The following SLCO2A1 variants were observed in gnomAD, a reference collection of about 807,000 sequenced individuals.
SLCO2A1 encodes matrin F/G 1.
In SLCO2A1, 60 loss-of-function variants were observed where a neutral mutation model predicts 71.7. The ratio of observed to expected loss-of-function variants is 0.84; its 90% confidence interval spans 0.68 to 1.04. The LOEUF (loss-of-function observed/expected upper bound fraction) is 1.04. Among genes scored for constraint, SLCO2A1 ranks in the 50% least tolerant of loss-of-function variants. The probability of loss-of-function intolerance (pLI) is 0.00; values close to 1 mark genes in which losing one functional copy is unlikely to be tolerated. For synonymous variants in SLCO2A1, 308 were observed against 326.7 expected (o/e 0.94, Z 0.62); for missense variants, 745 against 813.4 (o/e 0.92, Z 1.02).
At chr3:134,009,174 T>C (rs1935281877) in intron 1 of SLCO2A1, among the ~76,000 whole-genome samples, 1 of 152,218 alleles carries the variant, frequency 6.6e-6, no homozygotes, top group Non-Finnish European at 1.5e-5. Context: ...ATGTTTACTG[T>C]AGAAAATGGA....
At chr3:134,020,728 G>T (rs1212632261) in intron 1 of SLCO2A1, among the ~76,000 whole-genome samples, 2 of 151,874 alleles carry the variant, frequency 1.3e-5, no homozygotes. Flanking sequence ...GACAGGACTG[G>T]TCTTGAGAAC....
intron 2 of SLCO2A1, among the ~76,000 whole-genome samples, chr3:133,977,104 G>C (rs1254570428): frequency 6.6e-6 from 1 of 151,980 alleles, no homozygotes; most frequent in Non-Finnish European, 1.5e-5. Flanking sequence ...TAGCCTTCAG[G>C]CATATACTGT....
In SLCO2A1 at chr3:133,948,928, G is replaced by T; in HGVS notation, c.905C>A (p.Ala302Asp). 1 of 1,614,140 alleles carries T rather than the reference G, an allele frequency of 6.2e-7. No homozygotes were observed. The highest frequency in any genetic ancestry group is 8.5e-7 in the Non-Finnish European group (1 of 1,179,996). Residue 302 changes from alanine (A) to aspartate (D), a missense_variant, in exon 7 of 14, where the codon GCC becomes GAC. Transcript: ENST00000310926. ...ATCCACCAGGGAGCCTCTTGACTTG[G>T]CCTCCTCCAACTTCCTTGCTTCATC... The part of the protein sequence containing the change: ...TADEARKLEE[A>D]KSRGSLVDFI...
intron 3 of SLCO2A1, chr3:133,955,421 C>T: frequency 1.8e-6 from 1 of 553,324 alleles, no homozygotes; most frequent in Non-Finnish European, 3.2e-6. Context: ...GGCTCCCCGG[C>T]CCCAGGAGCT....
rs387907297 is a variant in SLCO2A1, at chr3:133,973,750, C to A, written c.310G>T (p.Gly104Ter). 4.3e-6 allele frequency: 7 copies of A among 1,614,042 alleles called. No homozygotes were observed. The highest frequency in any genetic ancestry group is 1.7e-5 in the Admixed American group (1 of 60,022). ...GCACCTGCAGCCAGGAAGAGACCTC[C>A]GATGCCAATCAGACGTGGACGGTGC... The part of the protein sequence containing the change: ...RVHRPRLIGI[G>*]GLFLAAGAFI... The change falls in exon 3 of 14, where the codon GGA becomes TGA. Residue 104 changes from glycine (G) to a stop codon, truncating the protein, a stop_gained. Transcript: ENST00000310926. LOFTEE classifies it high-confidence loss of function.
chr3:133,991,116 AC>A (rs1157387665), intron 1 of SLCO2A1, among the ~76,000 whole-genome samples: 1 of 152,018 alleles, frequency 6.6e-6, no homozygotes, highest in African/African-American at 2.4e-5. Flanking sequence ...TCTCAAAAAA[AC>A]AAAACAAAAA....
Position 133,943,033 on chromosome 3 carries a change from A to C in SLCO2A1, c.1462-265T>G, listed in dbSNP as rs141229740. On this transcript the variant is annotated intron_variant, in intron 10 of 13. Coordinates refer to ENST00000310926, the MANE Select transcript of SLCO2A1 (RefSeq NM_005630.3). ...CTCCAGAAGTCATATCTGCCTCTGG[A>C]TGCCCAGGAACACTGCCAGGTTAGG... Among the ~76,000 whole-genome samples, 981 of 152,316 alleles carry C rather than the reference A, an allele frequency of 6.4e-3. 12 individuals carry two copies. The highest frequency in any genetic ancestry group is 0.022 in the African/African-American group (922 of 41,562).
chr3:133,934,430 G>T lies in SLCO2A1; in HGVS notation c.*283C>A. The T allele has an allele frequency of 3.7e-6, 1 of 273,592 alleles. No individual in the cohort carries two copies. The highest frequency in any genetic ancestry group is 6.9e-6 in the Non-Finnish European group (1 of 144,214). 16.9% of individuals were successfully genotyped at this position (273,592 alleles called of 1,614,324 possible). A position where few individuals can be genotyped will look rare whatever the true frequency, so the allele number is the denominator to read the frequency against. ...GCCTCAGTGGGCATCCTCAATGGAGGACTCAACACTGAAGTGAGCCTGGGC... is the reference window on the plus strand; with the variant it reads ...GCCTCAGTGGGCATCCTCAATGGAGTACTCAACACTGAAGTGAGCCTGGGC... On this transcript the variant is annotated 3_prime_UTR_variant, in exon 14 of 14. Transcript: ENST00000310926.
At chr3:133,996,048 G>A (rs2108066998) in intron 1 of SLCO2A1, among the ~76,000 whole-genome samples, 1 of 152,296 alleles carries the variant, frequency 6.6e-6, no homozygotes. Flanking sequence ...GCCTTTTCAA[G>A]GTTTTTCTGT....
chr3:134,017,079 G>C (rs1389999979), intron 1 of SLCO2A1, among the ~76,000 whole-genome samples: 2 of 152,210 alleles, frequency 1.3e-5, no homozygotes, highest in Non-Finnish European at 1.5e-5. Context: ...GTCAGCACAG[G>C]AGAAATCCTC....
At chr3:133,958,665 C>T (rs1009616155) in intron 3 of SLCO2A1, among the ~76,000 whole-genome samples, 15 of 152,236 alleles carry the variant, frequency 9.9e-5, no homozygotes, top group East Asian at 7.7e-4. Flanking sequence ...GAAATCAACA[C>T]GCACACTTCT....
chr3:133,992,031 C>G (rs755787754), intron 1 of SLCO2A1, among the ~76,000 whole-genome samples: 1 of 152,214 alleles, frequency 6.6e-6, no homozygotes, highest in African/African-American at 2.4e-5. Flanking sequence ...GCCTGGGGAA[C>G]CCTGGTTAGG....
At chr3:133,966,188 A>G (rs1005020721) in intron 3 of SLCO2A1, among the ~76,000 whole-genome samples, 4 of 152,166 alleles carry the variant, frequency 2.6e-5, no homozygotes, top group African/African-American at 9.7e-5. Context: ...AGCCACGCCC[A>G]CTTGCTTATC....
chr3:133,947,413 T>G lies in SLCO2A1; in HGVS notation c.1138A>C (p.Met380Leu). 1 of 1,613,766 alleles carries G rather than the reference T, an allele frequency of 6.2e-7. No homozygotes were observed. Among genetic ancestry groups the G allele is most frequent in the East Asian group, 2.2e-5 (1 of 44,842 alleles). Residue 380 changes from methionine (M) to leucine (L), a missense_variant, in exon 9 of 14, where the codon ATG becomes CTG. Met to Leu is a conservative substitution (Grantham distance 15). Transcript: ENST00000310926. ...TTCATGAGGATTCCTCCAAACAGCA[T>G]CCCCAAGGCTGCAGCAGGGAGGTTC... ...AVNLPAAALG[M>L]LFGGILMKRF... is the part of the protein sequence containing the mutation.
At chr3:133,979,409 T>G in intron 2 of SLCO2A1, 72 bp downstream of exon 2, 1 of 1,591,940 alleles carries the variant, frequency 6.3e-7, no homozygotes, top group Non-Finnish European at 8.6e-7. Flanking sequence ...CCCCTGTTCC[T>G]CTGCTTCTCC....
At chr3:133,982,079 A>C (rs985302516) in intron 1 of SLCO2A1, among the ~76,000 whole-genome samples, 2 of 152,222 alleles carry the variant, frequency 1.3e-5, no homozygotes, top group African/African-American at 4.8e-5. Flanking sequence ...GACAAGAGCC[A>C]CATTATAGGT....
intron 3 of SLCO2A1, among the ~76,000 whole-genome samples, chr3:133,968,481 A>G (rs573753675): frequency 2.6e-5 from 4 of 152,256 alleles, no homozygotes; most frequent in South Asian, 2.1e-4. Flanking sequence ...TCCCAGGGAC[A>G]CCCTTGGGAT....
At chr3:134,010,934 G>A (rs1216434087) in intron 1 of SLCO2A1, among the ~76,000 whole-genome samples, 3 of 152,090 alleles carry the variant, frequency 2.0e-5, no homozygotes, top group Non-Finnish European at 4.4e-5. Context: ...TATCAGGTGG[G>A]AATTCTAAAT....
intron 1 of SLCO2A1, among the ~76,000 whole-genome samples, chr3:134,024,500 T>A (rs533681929): frequency 6.6e-6 from 1 of 152,202 alleles, no homozygotes; most frequent in Non-Finnish European, 1.5e-5. Context: ...TGAGGCTACA[T>A]GACCTGGCAA....
Sources: gnomAD v4.1 joint callset for allele counts (sites outside exome capture counted in the v4.1 genomes callset) on GRCh38, gnomAD v4.1.1 for gene constraint, MANE v1.5 for transcripts, NCBI Gene and HGNC (gene_info 2026-07-23, HGNC 2026-07-21) for gene names.